C8orf76: variants seen among roughly 807,000 people sequenced by gnomAD.
C8orf76 encodes chromosome 8 open reading frame 76.
In C8orf76, 46 loss-of-function variants were observed where a neutral mutation model predicts 38.1. The ratio of observed to expected loss-of-function variants is 1.21; its 90% CI spans 0.95 to 1.54. The LOEUF (loss-of-function observed/expected upper bound fraction) is 1.54, where lower values mean the gene tolerates loss of function less well. Ranked by LOEUF, C8orf76 falls within the 40% of genes most tolerant of loss-of-function variation. The pLI, the probability that C8orf76 is intolerant of heterozygous loss-of-function variation, is 0.00. For missense variants in C8orf76, 461 were observed against 441.6 expected (o/e 1.04, Z -0.39); for synonymous variants, 166 against 167.5 (o/e 0.99, Z 0.07).
At chr8:123,229,181 A>T (rs955990619) in intron 4 of C8orf76, among the ~76,000 whole-genome samples, 1 of 152,206 alleles carries the variant, frequency 6.6e-6, no homozygotes, top group Admixed American at 6.5e-5. Context: ...TTTACCTAGC[A>T]TGCCTCTTCC....
intron 5 of C8orf76, among the ~76,000 whole-genome samples, chr8:123,221,324 G>A (rs912244992): frequency 2.0e-5 from 3 of 152,216 alleles, no homozygotes; most frequent in African/African-American, 7.2e-5. Flanking sequence ...GCCAGGTGTG[G>A]TGGTTCACAT....
chr8:123,224,266 A>C (rs2131132483), intron 5 of C8orf76, among the ~76,000 whole-genome samples: 1 of 152,358 alleles, frequency 6.6e-6, no homozygotes, highest in East Asian at 1.9e-4. Flanking sequence ...ATGTGATCAT[A>C]GAATATTTAA....
At position 123,237,726 on chromosome 8, in the gene C8orf76, T is replaced by C. The variant is rs1825549580; in HGVS notation, c.357+72A>G. ...TTTGCTACTAGCAAGAAGTTTGTTT[T>C]GTTTTCAAAAAATACACCATTCGAC... is the stretch of plus-strand genomic sequence containing the variant. On this transcript the variant is annotated intron_variant, in intron 3 of 5. Coordinates refer to ENST00000276704, the MANE Select transcript of C8orf76 (RefSeq NM_032847.3). The C allele has an allele frequency of 4.0e-6, 6 of 1,503,524 alleles. No individual in the cohort carries two copies. The South Asian group carries it at 8.4e-5, about 21-fold the overall frequency. 93.1% of individuals were successfully genotyped at this position (1,503,524 alleles called of 1,614,324 possible).
chr8:123,230,566 G>C (rs1323648138), intron 4 of C8orf76, among the ~76,000 whole-genome samples: 2 of 151,856 alleles, frequency 1.3e-5, no homozygotes, highest in East Asian at 3.9e-4. Flanking sequence ...GCTCACTGCA[G>C]CCTTGGCCTC....
chr8:123,232,897 T>G (rs557024871), intron 3 of C8orf76, among the ~76,000 whole-genome samples: 6 of 152,308 alleles, frequency 3.9e-5, no homozygotes, highest in African/African-American at 1.4e-4. Flanking sequence ...TAAATCACGT[T>G]TGAGTAATGA....
chr8:123,236,907 C>A, intron 3 of C8orf76: 1 of 1,186,382 alleles, frequency 8.4e-7, no homozygotes, highest in Non-Finnish European at 1.3e-6. Context: ...GAGATCGAGC[C>A]CAGCAACGCC....
At chr8:123,226,045 G>T (rs1825034899) in intron 5 of C8orf76, 1 of 510,496 alleles carries the variant, frequency 2.0e-6, no homozygotes, top group Non-Finnish European at 2.5e-6. Context: ...CTTGCAGCTG[G>T]CAAACACAAG....
At chr8:123,220,966 T>C (rs1824882846) in intron 5 of C8orf76, among the ~76,000 whole-genome samples, 1 of 152,202 alleles carries the variant, frequency 6.6e-6, no homozygotes, top group Non-Finnish European at 1.5e-5. Context: ...CCAAAACATT[T>C]CATACCATCT....
At chr8:123,241,185 G>A in intron 1 of C8orf76, 45 bp downstream of exon 1, 2 of 1,521,700 alleles carry the variant, frequency 1.3e-6, no homozygotes, top group South Asian at 1.2e-5. Context: ...CGCGGAGGGC[G>A]AGGCCTGGGG....
rs1264175124 is a variant in C8orf76, at chr8:123,239,055, C to T, written c.207G>A (p.Glu69=). 5 of 1,614,060 alleles carry T rather than the reference C, an allele frequency of 3.1e-6. No individual in the cohort carries two copies. The highest frequency in any genetic ancestry group is 4.2e-6 in the Non-Finnish European group (5 of 1,179,966). ...FKGDLAYRRQ[E]YQKALQEYSS... ...ACCATATGTTGAATTCTACCTGATA[C>T]TCTTGTCGTCTGTAGGCCAGGTCTC... is the stretch of plus-strand genomic sequence containing the variant. Residue 69 remains glutamate (E), a synonymous_variant, in exon 2 of 6, where the codon GAG becomes GAA. Transcript: ENST00000276704.
intron 1 of C8orf76, 78 bp from the exon 2 acceptor site, chr8:123,239,222 A>G: frequency 7.5e-6 from 11 of 1,466,496 alleles, no homozygotes; most frequent in African/African-American, 1.4e-5. Flanking sequence ...TTCCCATAAT[A>G]TAATTGATTA....
Position 123,229,083 on chromosome 8 carries a change from CCTTACCACCAATGCTGCT to C in C8orf76, c.815+2199_815+2216del, listed in dbSNP as rs557270916. Among the ~76,000 whole-genome samples the C allele has an allele frequency of 1.6e-3, 248 of 152,358 alleles. No individual in the cohort carries two copies. In the Middle Eastern group the frequency reaches 0.024, roughly 15 times the overall value. ...ACTGTGGCCACAGCCTACCTTGAGC[CCTTACCACCAATGCTGCT>C]CTTACCACCAGACAATGTGACAACA... On this transcript the variant is annotated intron_variant, in intron 4 of 5. Coordinates refer to ENST00000276704, the MANE Select transcript of C8orf76 (RefSeq NM_032847.3).
Position 123,231,640 on chromosome 8 carries a change from A to C in C8orf76, c.475T>G (p.Leu159Val). ...CAGTTCCAAGGATTAAAAGGATGCA[A>C]AGAAATCAGTTTCTGCAGGCAGAAA... The part of the protein sequence containing the change: ...TIFCLQKLIS[L>V]HPFNPWNWGK... Residue 159 changes from leucine to valine, a missense_variant, in exon 4 of 6, where the codon TTG becomes GTG. Coordinates refer to ENST00000276704, the MANE Select transcript of C8orf76 (RefSeq NM_032847.3). 1 of 1,614,230 alleles carries C rather than the reference A, an allele frequency of 6.2e-7. No homozygotes were observed. Among genetic ancestry groups the C allele is most frequent in the Non-Finnish European group, 8.5e-7 (1 of 1,180,050 alleles).
Position 123,220,202 on chromosome 8 carries a change from T to C in C8orf76, c.1044A>G (p.Val348=), listed in dbSNP as rs371226782. 2.5e-6 allele frequency: 4 copies of C among 1,613,928 alleles called. No individual in the cohort carries two copies. Among genetic ancestry groups the C allele is most frequent in the Admixed American group, 1.7e-5 (1 of 59,998 alleles). The part of the protein sequence containing the change: ...GSVALTALVT[V]SSEEFEDKWF... Reference sequence around the variant, plus strand: ...ACTTGTCTTCAAATTCTTCTGAGGATACAGTCACCAAGGCAGTCAGGGCTA... The same window carrying C: ...ACTTGTCTTCAAATTCTTCTGAGGACACAGTCACCAAGGCAGTCAGGGCTA... The change falls in exon 6 of 6, where the codon GTA becomes GTG. Residue 348 remains valine, a synonymous_variant. Coordinates refer to ENST00000276704, the MANE Select transcript of C8orf76 (RefSeq NM_032847.3).
chr8:123,233,869 A>C (rs1314311658), intron 3 of C8orf76, among the ~76,000 whole-genome samples: 3 of 151,966 alleles, frequency 2.0e-5, no homozygotes, highest in Non-Finnish European at 4.4e-5. Flanking sequence ...TCTACTAAAA[A>C]TACAAAAAAT....
intron 5 of C8orf76, among the ~76,000 whole-genome samples, chr8:123,223,905 A>T (rs1395289313): frequency 1.3e-5 from 2 of 152,242 alleles, no homozygotes; most frequent in African/African-American, 4.8e-5. Flanking sequence ...TAGAATAGAT[A>T]AATTCACAGA....
At chr8:123,221,903 C>T (rs967285761) in intron 5 of C8orf76, among the ~76,000 whole-genome samples, 1 of 152,042 alleles carries the variant, frequency 6.6e-6, no homozygotes, top group Non-Finnish European at 1.5e-5. Flanking sequence ...AGTGAGACCC[C>T]ACCTCCAAAA....
intron 3 of C8orf76, chr8:123,236,911 C>A (rs1825508540): frequency 8.1e-7 from 1 of 1,230,678 alleles, no homozygotes; most frequent in Non-Finnish European, 1.2e-6. Context: ...TCGAGCCCAG[C>A]AACGCCAAAA....
At position 123,241,316 on chromosome 8, in the gene C8orf76, CG is replaced by C; in HGVS notation, c.30del (p.Glu11SerfsTer44). On this transcript the variant is annotated frameshift_variant, in exon 1 of 6. Transcript: ENST00000276704. LOFTEE classifies it high-confidence loss of function. MDSGCWLFG[G>X]EFEDSVFEER... ...TCCTCGAACACCGAGTCCTCGAACT[CG>C]CCGCCGAACAACCAGCACCCGGAAT... The C allele has an allele frequency of 6.4e-7, 1 of 1,571,640 alleles. No individual in the cohort carries two copies. Among genetic ancestry groups the C allele is most frequent in the Non-Finnish European group, 8.6e-7 (1 of 1,164,182 alleles).
Sources: gnomAD v4.1 joint callset for allele counts (sites outside exome capture counted in the v4.1 genomes callset) on GRCh38, gnomAD v4.1.1 for gene constraint, MANE v1.5 for transcripts, NCBI Gene and HGNC (gene_info 2026-07-23, HGNC 2026-07-21) for gene names.